MAPK10: variants seen among roughly 807,000 people sequenced by gnomAD.
The protein encoded by MAPK10 is JNK3 alpha protein kinase.
A neutral mutation model predicts 59.3 loss-of-function variants in MAPK10; 25 were observed. The ratio of observed to expected loss-of-function variants is 0.42; its 90% confidence interval spans 0.31 to 0.59. The LOEUF is 0.59. Among genes scored for constraint, MAPK10 ranks in the 20% least tolerant of loss-of-function variants. The pLI is 0.15. For synonymous variants in MAPK10, 190 were observed against 200.5 expected (o/e 0.95, Z 0.44); for missense variants, 351 against 568.9 (o/e 0.62, Z 3.90).
intron 2 of MAPK10, among the ~76,000 whole-genome samples, chr4:86,283,184 T>C (rs962568137): frequency 1.3e-5 from 2 of 152,218 alleles, no homozygotes; most frequent in African/African-American, 4.8e-5. Flanking sequence ...ATAATTCCTA[T>C]AGAAGCTAAT....
intron 5 of MAPK10, among the ~76,000 whole-genome samples, chr4:86,105,764 C>T (rs1459668874): frequency 1.3e-5 from 2 of 151,982 alleles, no homozygotes; most frequent in African/African-American, 4.8e-5. Flanking sequence ...TTTCTATATT[C>T]CTTTCTAGAA....
At chr4:86,526,049 C>T (rs1228443939) in intron 1 of MAPK10, among the ~76,000 whole-genome samples, 2 of 152,006 alleles carry the variant, frequency 1.3e-5, no homozygotes, top group Non-Finnish European at 2.9e-5. Flanking sequence ...TGTGTCTTTC[C>T]CAGATTTTGG....
chr4:86,542,421 A>G (rs1758782119), intron 1 of MAPK10: 2 of 152,074 alleles, frequency 1.3e-5, no homozygotes, highest in African/African-American at 2.4e-5. Context: ...GAAGGCTTCA[A>G]CTCCCTAGCT....
At chr4:86,546,795 C>T (rs1004555401) in intron 1 of MAPK10, among the ~76,000 whole-genome samples, 1 of 152,084 alleles carries the variant, frequency 6.6e-6, no homozygotes, top group African/African-American at 2.4e-5. Flanking sequence ...GTGGCTCATG[C>T]CTGTTAATCC....
intron 3 of MAPK10, among the ~76,000 whole-genome samples, chr4:86,175,487 G>C (rs766189708): frequency 6.6e-6 from 1 of 152,006 alleles, no homozygotes; most frequent in Non-Finnish European, 1.5e-5. Flanking sequence ...CATGGGGGTG[G>C]TTTCTCATGG....
chr4:86,187,184 C>T (rs2078453409), intron 3 of MAPK10, among the ~76,000 whole-genome samples: 1 of 152,064 alleles, frequency 6.6e-6, no homozygotes, highest in Non-Finnish European at 1.5e-5. Context: ...CCACAGATAG[C>T]ACTGAACCCT....
At chr4:86,476,334 C>T (rs1211766449) in intron 1 of MAPK10, among the ~76,000 whole-genome samples, 1 of 152,180 alleles carries the variant, frequency 6.6e-6, no homozygotes, top group African/African-American at 2.4e-5. Flanking sequence ...CTTACAGTTT[C>T]GTTCTGTGAC....
chr4:86,115,075 C>T (rs1008890865), intron 4 of MAPK10, among the ~76,000 whole-genome samples: 31 of 152,238 alleles, frequency 2.0e-4, no homozygotes, highest in Admixed American at 7.2e-4. Context: ...GCCACCCCTT[C>T]CCCAGGCACT....
intron 1 of MAPK10, among the ~76,000 whole-genome samples, chr4:86,502,640 A>G (rs1755413610): frequency 6.6e-6 from 1 of 152,182 alleles, no homozygotes; most frequent in African/African-American, 2.4e-5. Context: ...TTAAATGTAC[A>G]TTGCCTCTCC....
At chr4:86,204,094 C>T (rs1283544412) in intron 2 of MAPK10, among the ~76,000 whole-genome samples, 1 of 151,752 alleles carries the variant, frequency 6.6e-6, no homozygotes, top group Non-Finnish European at 1.5e-5. Flanking sequence ...ACTGAGTAAT[C>T]GTGAGAGGAA....
At chr4:86,575,205 A>G (rs1761793125) in intron 1 of MAPK10, among the ~76,000 whole-genome samples, 1 of 152,176 alleles carries the variant, frequency 6.6e-6, no homozygotes, top group South Asian at 2.1e-4. Context: ...CCTGATTCTC[A>G]GGCCTTCGGA....
At chr4:86,498,524 C>A (rs1755064926) in intron 1 of MAPK10, among the ~76,000 whole-genome samples, 1 of 152,080 alleles carries the variant, frequency 6.6e-6, no homozygotes, top group African/African-American at 2.4e-5. Flanking sequence ...AAGTGGAAGT[C>A]CACACACACA....
intron 1 of MAPK10, among the ~76,000 whole-genome samples, chr4:86,493,935 G>A (rs139215625): frequency 1.3e-5 from 2 of 152,026 alleles, no homozygotes; most frequent in East Asian, 1.9e-4. Context: ...TTTCCACTGG[G>A]AATATTAAAG....
chr4:86,128,306 C>T (rs779397996), intron 4 of MAPK10, among the ~76,000 whole-genome samples: 13 of 152,042 alleles, frequency 8.6e-5, no homozygotes, highest in Non-Finnish European at 1.5e-4. Flanking sequence ...GCTGTGTCCC[C>T]GCCAAATCTC....
chr4:86,332,134 A>G (rs901436503), intron 2 of MAPK10, among the ~76,000 whole-genome samples: 1 of 152,178 alleles, frequency 6.6e-6, no homozygotes, highest in Non-Finnish European at 1.5e-5. Context: ...ATGCAAATAT[A>G]CTGCAAATAT....
In MAPK10 at chr4:86,525,811, T is replaced by C. The variant is rs565043265; in HGVS notation, c.-263+68099A>G. On this transcript the variant is annotated intron_variant, in intron 1 of 4. Coordinates refer to the MAPK10 transcript ENST00000502302. ...GGAATAAGCAAAACGTAAGACAATA[T>C]AGGAATAGCTGTTTCAAAGTTTCAA... Among the ~76,000 whole-genome samples the C allele has an allele frequency of 3.7e-4, 56 of 152,290 alleles. 1 individual carries two copies. Among genetic ancestry groups the C allele is most frequent in the African/African-American group, 1.2e-3 (51 of 41,562 alleles).
At chr4:86,579,230 C>G (rs1691426728) in intron 1 of MAPK10, among the ~76,000 whole-genome samples, 1 of 152,174 alleles carries the variant, frequency 6.6e-6, no homozygotes, top group Admixed American at 6.5e-5. Context: ...CAGAAGCCAT[C>G]TACAAGAAAC....
In MAPK10 at chr4:86,400,697, T is replaced by C. The variant is rs145198470; in HGVS notation, c.-121-46053A>G. ...ATTCTATAAGATGTTACTTGACATATAACAGACGCTGCCCTCTGAAAGAAG... is the reference window on the plus strand; with the variant it reads ...ATTCTATAAGATGTTACTTGACATACAACAGACGCTGCCCTCTGAAAGAAG... On this transcript the variant is annotated intron_variant, in intron 1 of 13. Coordinates refer to the MAPK10 transcript ENST00000361569. Among the ~76,000 whole-genome samples, 623 of 152,276 alleles carry C rather than the reference T, an allele frequency of 4.1e-3. 6 individuals are homozygous for C. Among genetic ancestry groups the C allele is most frequent in the African/African-American group, 0.014 (596 of 41,570 alleles).
intron 2 of MAPK10, among the ~76,000 whole-genome samples, chr4:86,338,218 G>A (rs1447533418): frequency 6.6e-6 from 1 of 152,072 alleles, no homozygotes; most frequent in East Asian, 1.9e-4. Flanking sequence ...CCCAAACTGG[G>A]GCTTTGAACA....
Sources: allele counts gnomAD v4.1 joint callset (sites outside exome capture counted in the v4.1 genomes callset), GRCh38; gene constraint gnomAD v4.1.1; transcripts MANE v1.5; gene names NCBI Gene and HGNC (gene_info 2026-07-23, HGNC 2026-07-21).